The following SPOCK1 variants were observed in gnomAD, a reference collection of about 807,000 sequenced individuals.
SPOCK1 encodes testican-1.
Under a neutral mutation model 55.3 loss-of-function variants are expected in SPOCK1, and 23 were observed. That is an observed-to-expected ratio of 0.42 (90% CI 0.30 to 0.59). The LOEUF is 0.59. SPOCK1 is among the 20% of genes least tolerant of loss of function. SPOCK1 has a pLI of 0.22. For synonymous variants in SPOCK1, 226 were observed against 221.0 expected (o/e 1.02, Z -0.20); for missense variants, 499 against 552.5 (o/e 0.90, Z 0.97).
chr5:137,374,047 G>A (rs953514665), intron 2 of SPOCK1, among the ~76,000 whole-genome samples: 4 of 152,264 alleles, frequency 2.6e-5, no homozygotes, highest in African/African-American at 4.8e-5. Context: ...ACATGTAACT[G>A]TACCTATCTC....
At chr5:137,174,216 G>A (rs910932731) in intron 3 of SPOCK1, among the ~76,000 whole-genome samples, 2 of 152,188 alleles carry the variant, frequency 1.3e-5, no homozygotes, top group African/African-American at 4.8e-5. Flanking sequence ...TCTGGAAAGA[G>A]GGACTCTTTC....
intron 7 of SPOCK1, among the ~76,000 whole-genome samples, chr5:136,991,831 C>A (rs1209751020): frequency 6.6e-6 from 1 of 152,168 alleles, no homozygotes; most frequent in Non-Finnish European, 1.5e-5. Context: ...CAGCTTATGA[C>A]AAAACTGAGT....
At chr5:137,024,838 C>A (rs998826436) in intron 6 of SPOCK1, among the ~76,000 whole-genome samples, 2 of 151,976 alleles carry the variant, frequency 1.3e-5, no homozygotes, top group Admixed American at 6.6e-5. Flanking sequence ...TTCACAAGAT[C>A]CAAGATGTGG....
intron 5 of SPOCK1, among the ~76,000 whole-genome samples, chr5:137,089,690 C>T (rs1304112919): frequency 6.6e-6 from 1 of 152,204 alleles, no homozygotes; most frequent in Non-Finnish European, 1.5e-5. Context: ...TAGGTCCCCT[C>T]AACTCCAAAG....
rs181864082 is a variant in SPOCK1 at position 137,118,154 on chromosome 5, A to G, written c.348-5593T>C. Among the ~76,000 whole-genome samples, 12 of 152,350 alleles carry G rather than the reference A, an allele frequency of 7.9e-5. No individual in the cohort carries two copies. In the East Asian group the frequency reaches 2.1e-3, roughly 27 times the overall value. ...CAGAATCACATGTTGATATTATCAAATTGAAGACTTACTTTGCTATAAAAC... is the reference window on the plus strand; with the variant it reads ...CAGAATCACATGTTGATATTATCAAGTTGAAGACTTACTTTGCTATAAAAC... On this transcript the variant is annotated intron_variant, in intron 4 of 10. Transcript: ENST00000394945.
chr5:137,032,860 G>C (rs1255695513), intron 6 of SPOCK1, among the ~76,000 whole-genome samples: 2 of 152,170 alleles, frequency 1.3e-5, no homozygotes, highest in Admixed American at 6.5e-5. Context: ...TGAAGGCTGA[G>C]GATGGAACAG....
intron 3 of SPOCK1, among the ~76,000 whole-genome samples, chr5:137,239,123 G>A (rs1170345781): frequency 2.0e-5 from 3 of 152,194 alleles, no homozygotes; most frequent in Non-Finnish European, 2.9e-5. Flanking sequence ...CCAATTTCCA[G>A]GGAGAGGAGA....
chr5:137,355,142 C>T (rs1270409054), intron 2 of SPOCK1, among the ~76,000 whole-genome samples: 3 of 151,946 alleles, frequency 2.0e-5, no homozygotes, highest in Non-Finnish European at 4.4e-5. Context: ...AACTCGCAAT[C>T]CACCCACCTC....
At chr5:137,261,978 G>A (rs1756749974) in intron 3 of SPOCK1, among the ~76,000 whole-genome samples, 1 of 152,130 alleles carries the variant, frequency 6.6e-6, no homozygotes, top group African/African-American at 2.4e-5. Context: ...TAGTATAGTG[G>A]TTATATACAT....
intron 2 of SPOCK1, among the ~76,000 whole-genome samples, chr5:137,354,252 C>G (rs1207401948): frequency 1.3e-5 from 2 of 152,170 alleles, no homozygotes; most frequent in Admixed American, 1.3e-4. Context: ...CTCCTGCATT[C>G]CTATACTTAC....
rs1752372315 is a variant in SPOCK1, at chr5:137,417,750, A to G, written c.186+80623T>C. ...CTTTCTAATTGCTGGCTAGTATTTC[A>G]GTTTTTTTGGAAAGTTTTTCTATTT... On this transcript the variant is annotated intron_variant, in intron 2 of 10. Transcript: ENST00000394945. Among the ~76,000 whole-genome samples the G allele has an allele frequency of 2.0e-5, 3 of 152,018 alleles. No homozygotes were observed. The East Asian group carries it at 5.8e-4, about 29-fold the overall frequency.
At chr5:137,220,217 T>C (rs113107069) in intron 3 of SPOCK1, among the ~76,000 whole-genome samples, 1,834 of 152,240 alleles carry the variant, frequency 0.012, 45 homozygotes, top group African/African-American at 0.041. Flanking sequence ...GTCCTCCACA[T>C]CCCATATTGA....
intron 6 of SPOCK1, among the ~76,000 whole-genome samples, chr5:137,027,326 C>A (rs1016336072): frequency 2.0e-5 from 3 of 152,166 alleles, no homozygotes; most frequent in African/African-American, 7.2e-5. Context: ...CCATCATAAG[C>A]TGTTAGGTCA....
intron 2 of SPOCK1, among the ~76,000 whole-genome samples, chr5:137,277,704 C>G (rs1458404086): frequency 6.6e-6 from 1 of 152,200 alleles, no homozygotes; most frequent in East Asian, 1.9e-4. Flanking sequence ...TTCACAAGGT[C>G]TCTAAGTAAG....
At chr5:137,464,476 A>T (rs1362947391) in intron 2 of SPOCK1, among the ~76,000 whole-genome samples, 1 of 152,000 alleles carries the variant, frequency 6.6e-6, no homozygotes, top group Non-Finnish European at 1.5e-5. Context: ...AATTAAGAAT[A>T]TGGAAAAGAT....
chr5:137,350,447 C>T (rs529924779), intron 2 of SPOCK1, among the ~76,000 whole-genome samples: 11 of 152,278 alleles, frequency 7.2e-5, no homozygotes, highest in Middle Eastern at 3.4e-3. Context: ...CACCACGTGG[C>T]GTCAACTGAG....
chr5:137,079,540 C>CCCCA (rs1561601626), intron 5 of SPOCK1, among the ~76,000 whole-genome samples: 1 of 147,366 alleles, frequency 6.8e-6, no homozygotes, highest in African/African-American at 2.6e-5. Context: ...GATTCCCCCC[C>CCCCA]CCCCCGACTT....
intron 2 of SPOCK1, among the ~76,000 whole-genome samples, chr5:137,319,938 C>T (rs1757951522): frequency 1.9e-5 from 2 of 107,686 alleles, no homozygotes; most frequent in Non-Finnish European, 3.4e-5. Context: ...GGCGACAGAG[C>T]GAGACTCCGT....
At chr5:137,162,941 T>G (rs746773196) in intron 3 of SPOCK1, among the ~76,000 whole-genome samples, 1 of 152,180 alleles carries the variant, frequency 6.6e-6, no homozygotes, top group Non-Finnish European at 1.5e-5. Context: ...CCAATTTCCT[T>G]GTGACGCTAT....
Sources: allele counts gnomAD v4.1 joint callset (sites outside exome capture counted in the v4.1 genomes callset), GRCh38; gene constraint gnomAD v4.1.1; transcripts MANE v1.5; gene names NCBI Gene and HGNC (gene_info 2026-07-23, HGNC 2026-07-21).